PGGT1B: variants seen among roughly 807,000 people sequenced by gnomAD.
PGGT1B encodes the protein geranylgeranyl transferase type-1 subunit beta.
A neutral mutation model predicts 46.1 loss-of-function variants in PGGT1B; 30 were observed. That is an observed-to-expected ratio of 0.65 (90% CI 0.49 to 0.88). PGGT1B has a LOEUF of 0.88. Among genes scored for constraint, PGGT1B ranks in the 40% least tolerant of loss-of-function variants. The pLI is 0.00. For missense variants in PGGT1B, 376 were observed against 455.9 expected, an observed-to-expected ratio of 0.82 and a Z score of 1.60; for synonymous variants, 170 against 160.0, an observed-to-expected ratio of 1.06 and a Z score of -0.47.
At chr5:115,241,392 A>G in intron 3 of PGGT1B, 147 bp downstream of exon 3, 1 of 424,396 alleles carries the variant, frequency 2.4e-6, no homozygotes, top group East Asian at 3.6e-5. Context: ...AAAGGATTTC[A>G]GTTTATAATA....
intron 6 of PGGT1B, among the ~76,000 whole-genome samples, chr5:115,230,477 T>C (rs2127004219): frequency 6.6e-6 from 1 of 152,106 alleles, no homozygotes; most frequent in South Asian, 2.1e-4. Flanking sequence ...TCTGCCAAAG[T>C]GGAAAAAAAC....
At chr5:115,244,338 G>A (rs1244699384) in intron 2 of PGGT1B, among the ~76,000 whole-genome samples, 5 of 151,122 alleles carry the variant, frequency 3.3e-5, no homozygotes, top group South Asian at 2.1e-4. Context: ...GGTGGCGGGC[G>A]CCTGTAGTCC....
intron 2 of PGGT1B, among the ~76,000 whole-genome samples, chr5:115,245,520 A>C (rs1747794537): frequency 6.6e-6 from 1 of 152,198 alleles, no homozygotes; most frequent in Non-Finnish European, 1.5e-5. Context: ...TAGTAACAAT[A>C]ACATATTGCA....
chr5:115,262,051 T>C lies in PGGT1B; in HGVS notation c.140+661A>G, dbSNP rs75481816. On this transcript the variant is annotated intron_variant, in intron 1 of 8. Coordinates refer to ENST00000419445, the MANE Select transcript of PGGT1B (RefSeq NM_005023.4). ...CCTCCCATCCAGTCTCAAGCAGCTT[T>C]TGAGCTTCACTTCAAAACACAGCAA... 2.6e-3 allele frequency among the ~76,000 whole-genome samples: 400 copies of C among 152,328 alleles called. 2 individuals are homozygous for C. Among genetic ancestry groups the C allele is most frequent in the Non-Finnish European group, 4.5e-3 (308 of 68,020 alleles).
chr5:115,249,142 T>A (rs1414950708), intron 2 of PGGT1B, among the ~76,000 whole-genome samples: 1 of 151,158 alleles, frequency 6.6e-6, no homozygotes, highest in East Asian at 2.0e-4. Flanking sequence ...TCTGTTCCCA[T>A]CTACTTCCCC....
chr5:115,243,355 G>A (rs934046680), intron 2 of PGGT1B, among the ~76,000 whole-genome samples: 11 of 152,136 alleles, frequency 7.2e-5, no homozygotes, highest in Non-Finnish European at 1.3e-4. Flanking sequence ...TGAAAGAAAC[G>A]CTATATTCCT....
rs1756003054 is a variant in PGGT1B, at chr5:115,204,404, A to G, written c.*7998T>C. On this transcript the variant is annotated 3_prime_UTR_variant, in exon 9 of 9. Transcript: ENST00000419445. Reference sequence around the variant, plus strand: ...CAACATTTGGAAAACTAGTGCTCTAAGTCCTGCTTTAGTGGAGAGACATTA... The same window carrying G: ...CAACATTTGGAAAACTAGTGCTCTAGGTCCTGCTTTAGTGGAGAGACATTA... 1.3e-5 allele frequency: 2 copies of G among 152,198 alleles called. No homozygotes were observed. The highest frequency in any genetic ancestry group is 2.1e-4 in the South Asian group (1 of 4,832). 9.4% of individuals were successfully genotyped at this position (152,198 alleles called of 1,614,324 possible). A position where few individuals can be genotyped will look rare whatever the true frequency, so the allele number is the denominator to read the frequency against.
At chr5:115,222,424 C>T (rs542752165) in intron 6 of PGGT1B, among the ~76,000 whole-genome samples, 4 of 152,212 alleles carry the variant, frequency 2.6e-5, no homozygotes, top group Admixed American at 2.6e-4. Context: ...CAAGTTTTCA[C>T]AAATAAGATA....
At chr5:115,261,073 C>T (rs1360976293) in intron 1 of PGGT1B, among the ~76,000 whole-genome samples, 1 of 152,310 alleles carries the variant, frequency 6.6e-6, no homozygotes, top group Non-Finnish European at 1.5e-5. Context: ...TAAATATGCA[C>T]ATTATGTATC....
At chr5:115,214,972 T>C (rs1756368276) in intron 8 of PGGT1B, among the ~76,000 whole-genome samples, 2 of 152,230 alleles carry the variant, frequency 1.3e-5, no homozygotes, top group Admixed American at 1.3e-4. Flanking sequence ...GAAAGCAATG[T>C]ACACTTTCTC....
chr5:115,229,931 C>T (rs994342199), intron 6 of PGGT1B, among the ~76,000 whole-genome samples: 1 of 151,976 alleles, frequency 6.6e-6, no homozygotes, highest in Admixed American at 6.6e-5. Context: ...GAGACACATA[C>T]TCTACAACTA....
chr5:115,225,693 T>C (rs978177808), intron 6 of PGGT1B, among the ~76,000 whole-genome samples: 1 of 151,750 alleles, frequency 6.6e-6, no homozygotes, highest in Non-Finnish European at 1.5e-5. Flanking sequence ...TCACCCAGGC[T>C]GGAGTGCAGT....
chr5:115,206,119 G>A lies in PGGT1B; in HGVS notation c.*6283C>T, dbSNP rs1257072771. 2.3e-4 allele frequency: 35 copies of A among 151,736 alleles called. No homozygotes were observed. The highest frequency in any genetic ancestry group is 2.2e-3 in the Admixed American group (34 of 15,226). The allele number at this position is 151,736 out of a possible 1,614,324, so 9.4% of individuals were successfully genotyped here. A position where few individuals can be genotyped will look rare whatever the true frequency, so the allele number is the denominator to read the frequency against. On this transcript the variant is annotated 3_prime_UTR_variant, in exon 9 of 9. Coordinates refer to ENST00000419445, the MANE Select transcript of PGGT1B (RefSeq NM_005023.4). ...TTAGTACCTCAGATCTTTATGTATA[G>A]TATACATACATATATCTATTTGTAT...
At chr5:115,262,464 G>A in intron 1 of PGGT1B, 1 of 513,454 alleles carries the variant, frequency 1.9e-6, no homozygotes, top group Non-Finnish European at 3.5e-6. Flanking sequence ...GCTCAGAGTT[G>A]CCAGAAGAAA....
intron 6 of PGGT1B, among the ~76,000 whole-genome samples, chr5:115,222,549 T>C (rs1293303759): frequency 1.3e-5 from 2 of 152,208 alleles, no homozygotes; most frequent in African/African-American, 4.8e-5. Flanking sequence ...AGTTCAACCA[T>C]TGTGGAAGAC....
At chr5:115,236,925 T>C (rs922878423) in intron 4 of PGGT1B, among the ~76,000 whole-genome samples, 3 of 152,190 alleles carry the variant, frequency 2.0e-5, no homozygotes, top group East Asian at 1.9e-4. Context: ...AGTTTTTCTA[T>C]GTGAAATTTC....
chr5:115,229,245 T>C (rs1327116506), intron 6 of PGGT1B, among the ~76,000 whole-genome samples: 3 of 152,126 alleles, frequency 2.0e-5, no homozygotes, highest in Admixed American at 2.0e-4. Context: ...GGAGACAACC[T>C]TACCAGGGAC....
chr5:115,235,066 A>C (rs1245401446), intron 5 of PGGT1B, among the ~76,000 whole-genome samples: 2 of 152,016 alleles, frequency 1.3e-5, no homozygotes, highest in Non-Finnish European at 2.9e-5. Context: ...AGGATGGAAA[A>C]GTAGAAGATA....
chr5:115,224,427 C>G (rs1282574098), intron 6 of PGGT1B, among the ~76,000 whole-genome samples: 1 of 152,188 alleles, frequency 6.6e-6, no homozygotes, highest in Admixed American at 6.5e-5. Context: ...CATAGTAACT[C>G]CAGAAGTAAG....
Sources: allele counts gnomAD v4.1 joint callset (sites outside exome capture counted in the v4.1 genomes callset), GRCh38; gene constraint gnomAD v4.1.1; transcripts MANE v1.5; gene names NCBI Gene and HGNC (gene_info 2026-07-23, HGNC 2026-07-21).